The following NFXL1 variants were observed in gnomAD, a reference collection of about 807,000 sequenced individuals.
NFXL1 encodes the protein nuclear transcription factor, X-box binding like 1, also known as NF-X1-type zinc finger protein NFXL1.
A neutral mutation model predicts 123.3 loss-of-function variants in NFXL1; 66 were observed. That is an observed-to-expected ratio of 0.54 (90% CI 0.44 to 0.66). NFXL1 has a LOEUF of 0.66. NFXL1 is among the 30% of genes least tolerant of loss of function. The pLI, the probability that NFXL1 is intolerant of heterozygous loss-of-function variation, is 0.00. For synonymous variants in NFXL1, 346 were observed against 360.8 expected (o/e 0.96, Z 0.46); for missense variants, 944 against 1,125.6 (o/e 0.84, Z 2.31).
chr4:47,865,870 G>C (rs1244414103), intron 18 of NFXL1, among the ~76,000 whole-genome samples: 2 of 152,014 alleles, frequency 1.3e-5, no homozygotes, highest in Admixed American at 1.3e-4. Context: ...ACCAAAATTA[G>C]CCTGGTGCGA....
Position 47,847,973 on chromosome 4 carries a change from GTATTATACTGCCCTT to G in NFXL1, c.*175_*189del, listed in dbSNP as rs1733906047. ...TCAGTCATGCCTTCACTTTAAAACAGTATTATACTGCCCTTTCTAGTATACTAATTAAGATAAAGT... is the reference window on the plus strand; with the variant it reads ...TCAGTCATGCCTTCACTTTAAAACAGTCTAGTATACTAATTAAGATAAAGT... On this transcript the variant is annotated 3_prime_UTR_variant, in exon 23 of 23. Coordinates refer to ENST00000507489, the MANE Select transcript of NFXL1 (RefSeq NM_001278624.2). The G allele has an allele frequency of 2.2e-6, 1 of 445,816 alleles. No individual in the cohort carries two copies. The highest frequency in any genetic ancestry group is 4.0e-6 in the Non-Finnish European group (1 of 252,806). The allele number at this position is 445,816 out of a possible 1,614,324, so 27.6% of individuals were successfully genotyped here.
In NFXL1 at chr4:47,874,278, T is replaced by C. The variant is rs188861383; in HGVS notation, c.2246+849A>G. Among the ~76,000 whole-genome samples, 576 of 152,334 alleles carry C rather than the reference T, an allele frequency of 3.8e-3. 3 individuals carry two copies. The highest frequency in any genetic ancestry group is 0.013 in the African/African-American group (547 of 41,580). ...TGCAAGAGACCTAACTTTTAGCCTA[T>C]CTCAGCTTTTGACATGACTCAACTA... is the stretch of plus-strand genomic sequence containing the variant. On this transcript the variant is annotated intron_variant, in intron 18 of 22. Coordinates refer to ENST00000507489, the MANE Select transcript of NFXL1 (RefSeq NM_001278624.2).
rs189387788 is a variant in NFXL1 at position 47,857,262 on chromosome 4, G to T, written c.2317-2099C>A. Among the ~76,000 whole-genome samples, 421 of 152,118 alleles carry T rather than the reference G, an allele frequency of 2.8e-3. 1 individual carries two copies. Among genetic ancestry groups the T allele is most frequent in the Non-Finnish European group, 4.8e-3 (323 of 67,988 alleles). On this transcript the variant is annotated intron_variant, in intron 19 of 22. Transcript: ENST00000507489. ...TTCAAGTCCTCTCTTCCAGCTATTT[G>T]GAAATATACCTTAATCAACATCACT...
intron 19 of NFXL1, among the ~76,000 whole-genome samples, chr4:47,861,206 G>A (rs189414859): frequency 6.6e-6 from 1 of 152,234 alleles, no homozygotes; most frequent in East Asian, 1.9e-4. Flanking sequence ...TCTAATGAAT[G>A]TTAAAGCAAC....
Position 47,851,127 on chromosome 4 carries a change from C to CT in NFXL1, c.2529dup (p.Ala844SerfsTer4). On this transcript the variant is annotated frameshift_variant, in exon 22 of 23. Transcript: ENST00000507489. LOFTEE classifies it high-confidence loss of function. ...CTTCGTTTTTCTTCTTCAAGAGCAG[C>CT]TTTGGCTTCTGCTTCTTTTATCTGT... 1 of 1,611,918 alleles carries CT rather than the reference C, an allele frequency of 6.2e-7. No individual in the cohort carries two copies. Among genetic ancestry groups the CT allele is most frequent in the Non-Finnish European group, 8.5e-7 (1 of 1,178,228 alleles).
At chr4:47,901,565 A>C (rs1737357841) in intron 5 of NFXL1, among the ~76,000 whole-genome samples, 1 of 152,212 alleles carries the variant, frequency 6.6e-6, no homozygotes, top group Non-Finnish European at 1.5e-5. Flanking sequence ...AATAATATGC[A>C]GGAGCAAAAC....
In NFXL1 at chr4:47,875,245, G is replaced by A; in HGVS notation, c.2128C>T (p.Pro710Ser). Residue 710 changes from proline to serine, a missense_variant, in exon 18 of 23, where the codon CCA (proline) becomes TCA (serine). Around this residue, in one of 4 missense-constraint regions of NFXL1, gnomAD observed 301 missense variants for 348.0 expected, o/e 0.86. Transcript: ENST00000507489. ...HCEEGCSKSR[P>S]LGCLHPCILR... ...ATACATGGGTGAAGACAACCTAGTG[G>A]CCGTGACTTGGAGCACCCTTCCTCA... 1 of 1,613,294 alleles carries A rather than the reference G, an allele frequency of 6.2e-7. No individual in the cohort carries two copies. Among genetic ancestry groups the A allele is most frequent in the Non-Finnish European group, 8.5e-7 (1 of 1,179,478 alleles).
chr4:47,906,317 A>G (rs555143815), intron 3 of NFXL1, among the ~76,000 whole-genome samples: 23 of 152,364 alleles, frequency 1.5e-4, no homozygotes, highest in African/African-American at 5.0e-4. Flanking sequence ...GTAAACTACC[A>G]TAAGTACAGA....
chr4:47,905,962 G>C (rs1312406004), intron 3 of NFXL1, among the ~76,000 whole-genome samples: 1 of 152,072 alleles, frequency 6.6e-6, no homozygotes, highest in Non-Finnish European at 1.5e-5. Context: ...GTGCTTATTT[G>C]CTAGACACCG....
chr4:47,884,535 G>A (rs950657767), intron 14 of NFXL1, 98 bp from the exon 15 acceptor site: 23 of 670,490 alleles, frequency 3.4e-5, no homozygotes, highest in Non-Finnish European at 4.9e-5. Flanking sequence ...CTCTGCTCAA[G>A]CAGGTTGAAA....
chr4:47,869,421 G>A (rs376941623), intron 18 of NFXL1, among the ~76,000 whole-genome samples: 30 of 152,142 alleles, frequency 2.0e-4, no homozygotes, highest in East Asian at 1.4e-3. Flanking sequence ...TTTTACAAAG[G>A]AAGCACTGTT....
At chr4:47,879,416 G>A (rs980222207) in intron 15 of NFXL1, among the ~76,000 whole-genome samples, 4 of 152,074 alleles carry the variant, frequency 2.6e-5, no homozygotes, top group Non-Finnish European at 5.9e-5. Flanking sequence ...AAATACTGAT[G>A]AAAGAAATCA....
rs573586084 is a variant in NFXL1, at chr4:47,907,031, T to C, written c.407-1685A>G. Among the ~76,000 whole-genome samples, 11 of 152,300 alleles carry C rather than the reference T, an allele frequency of 7.2e-5. No individual in the cohort carries two copies. The South Asian group carries it at 1.0e-3, about 14-fold the overall frequency. ...TCAGTTTTGTCATCTGTAAAACTAGTAGTAACAGTTATCTACCTCACAATT... is the reference window on the plus strand; with the variant it reads ...TCAGTTTTGTCATCTGTAAAACTAGCAGTAACAGTTATCTACCTCACAATT... On this transcript the variant is annotated intron_variant, in intron 3 of 22. Transcript: ENST00000507489.
chr4:47,896,472 T>C (rs1232165879), intron 10 of NFXL1, 51 bp downstream of exon 10: 1 of 1,403,412 alleles, frequency 7.1e-7, no homozygotes, highest in Admixed American at 1.7e-5. Context: ...TCTCATTTGA[T>C]ACATTATGAT....
chr4:47,862,660 A>T (rs1734834877), intron 19 of NFXL1, among the ~76,000 whole-genome samples, 186 bp downstream of exon 19: 1 of 152,258 alleles, frequency 6.6e-6, no homozygotes, highest in African/African-American at 2.4e-5. Flanking sequence ...TCAAAGGGTC[A>T]TTTCAGGTCC....
intron 6 of NFXL1, 98 bp from the exon 7 acceptor site, chr4:47,899,218 T>G (rs1737257598): frequency 1.5e-6 from 2 of 1,312,742 alleles, no homozygotes; most frequent in African/African-American, 1.5e-5. Flanking sequence ...TTCTAGAACT[T>G]TCTTTACTGA....
chr4:47,877,734 C>T (rs1235392339), intron 17 of NFXL1, among the ~76,000 whole-genome samples: 1 of 151,580 alleles, frequency 6.6e-6, no homozygotes, highest in African/African-American at 2.4e-5. Context: ...AAATTAAAGA[C>T]CAAAAAAATA....
At position 47,878,643 on chromosome 4, in the gene NFXL1, G is replaced by C. The variant is rs766001963; in HGVS notation, c.1961C>G (p.Ala654Gly). The change falls in exon 17 of 23, where the codon GCT (alanine) becomes GGT (glycine). Residue 654 changes from alanine to glycine, a missense_variant. This residue lies in a region of NFXL1 where 301 missense variants were observed against 348.0 expected (regional missense o/e 0.86). Coordinates refer to ENST00000507489, the MANE Select transcript of NFXL1 (RefSeq NM_001278624.2). ...TCTTTTACAAGAGTAGGGTCCTACA[G>C]CATGGCATGGTAGTGGACTCACCTT... ...KHEVSPLPCHAVGPYSCKRVC... is the reference protein window; with the variant it reads ...KHEVSPLPCHGVGPYSCKRVC... The C allele has an allele frequency of 3.8e-6, 6 of 1,595,276 alleles. No homozygotes were observed. The highest frequency in any genetic ancestry group is 4.3e-6 in the Non-Finnish European group (5 of 1,171,666).
At chr4:47,862,007 G>A (rs1026724095) in intron 19 of NFXL1, among the ~76,000 whole-genome samples, 9 of 152,114 alleles carry the variant, frequency 5.9e-5, no homozygotes, top group African/African-American at 9.7e-5. Context: ...ATACTATATA[G>A]TACATCTGTA....
Sources: gnomAD v4.1 joint callset for allele counts (sites outside exome capture counted in the v4.1 genomes callset) on GRCh38, gnomAD v4.1.1 for gene constraint, gnomAD v4.1.1 regional missense constraint, MANE v1.5 for transcripts, NCBI Gene and HGNC (gene_info 2026-07-23, HGNC 2026-07-21) for gene names.